Variants in STK35 observed in about 807,000 individuals in gnomAD.
The protein encoded by STK35 is serine/threonine-protein kinase 35.
Under a neutral mutation model 37.3 loss-of-function variants are expected in STK35, and 17 were observed. The ratio of observed to expected loss-of-function variants is 0.46; its 90% CI spans 0.31 to 0.68. The LOEUF is 0.68. Ranked by LOEUF, STK35 falls within the 30% of genes least tolerant of loss-of-function variation. The pLI is 0.05. For missense variants in STK35, 595 were observed against 746.7 expected, an observed-to-expected ratio of 0.80 and a Z score of 2.37; for synonymous variants, 385 against 319.1, an observed-to-expected ratio of 1.21 and a Z score of -2.20.
chr20:2,137,448 G>A (rs1415994223), intron 3 of STK35, among the ~76,000 whole-genome samples: 10 of 152,200 alleles, frequency 6.6e-5, no homozygotes, highest in Admixed American at 6.5e-4. Context: ...CCTGGTCAGG[G>A]CTCAGATGTC....
chr20:2,102,402 G>A (rs1336268717), intron 1 of STK35, among the ~76,000 whole-genome samples: 2 of 152,196 alleles, frequency 1.3e-5, no homozygotes, highest in Non-Finnish European at 2.9e-5. Flanking sequence ...CACAAGGCGG[G>A]GCGCGGGGAG....
chr20:2,123,591 C>T (rs749470262), intron 3 of STK35, among the ~76,000 whole-genome samples: 16 of 152,160 alleles, frequency 1.1e-4, no homozygotes, highest in African/African-American at 1.2e-4. Context: ...TGGAATTACA[C>T]GCAACTGTGT....
chr20:2,134,815 C>T lies in STK35; in HGVS notation c.*38-8969C>T, dbSNP rs567497412. Reference sequence around the variant, plus strand: ...CTGAGGCAGGAGAATCGCTTGAACCCGGGAGGTGGAGGTTGCAGTGAGCCG... The same window carrying T: ...CTGAGGCAGGAGAATCGCTTGAACCTGGGAGGTGGAGGTTGCAGTGAGCCG... On this transcript the variant is annotated intron_variant, in intron 3 of 3. Coordinates refer to ENST00000381482, the MANE Select transcript of STK35 (RefSeq NM_080836.4). 1.4e-4 allele frequency among the ~76,000 whole-genome samples: 22 copies of T among 152,106 alleles called. No homozygotes were observed. In the East Asian group the frequency reaches 1.9e-3, roughly 13 times the overall value.
Position 2,116,803 on chromosome 20 carries a change from C to G in STK35, c.1030C>G (p.Leu344Val). 1 of 1,614,176 alleles carries G rather than the reference C, an allele frequency of 6.2e-7. No homozygotes were observed. The highest frequency in any genetic ancestry group is 8.5e-7 in the Non-Finnish European group (1 of 1,180,044). ...CACCAACAAAAGTTTCATGCTACAG[C>G]TGACGAGCGCCATTGCCTTCCTGCA... Reference protein sequence around the residue: ...PATNKSFMLQLTSAIAFLHKN... With the variant: ...PATNKSFMLQVTSAIAFLHKN... The change falls in exon 3 of 4, where the codon CTG becomes GTG. Residue 344 changes from leucine to valine, a missense_variant. By Grantham distance (32) the Leu-to-Val change is conservative (BLOSUM62 1). Around this residue, in one of 3 missense-constraint regions of STK35, gnomAD observed 109 missense variants for 280.3 expected, o/e 0.39. Transcript: ENST00000381482.
At chr20:2,135,066 G>A (rs1047678651) in intron 3 of STK35, among the ~76,000 whole-genome samples, 1 of 152,104 alleles carries the variant, frequency 6.6e-6, no homozygotes. Flanking sequence ...GGGGGAGTAG[G>A]GAGAGAGCTA....
chr20:2,144,135 T>C lies in STK35; in HGVS notation c.*389T>C. ...GGTTAGGGAGCTATTTTTGGTTTTG[T>C]CCTTCACTTTCCCTCTGTCTTCCTT... On this transcript the variant is annotated 3_prime_UTR_variant, in exon 4 of 4. Transcript: ENST00000381482. The C allele has an allele frequency of 3.2e-6, 1 of 311,560 alleles. No homozygotes were observed. Among genetic ancestry groups the C allele is most frequent in the South Asian group, 2.5e-5 (1 of 40,772 alleles). The allele number at this position is 311,560 out of a possible 1,614,324, so 19.3% of individuals were successfully genotyped here. A position where few individuals can be genotyped will look rare whatever the true frequency, so the allele number is the denominator to read the frequency against.
intron 1 of STK35, 124 bp from the exon 2 acceptor site, chr20:2,102,644 G>T: frequency 1.2e-6 from 1 of 865,514 alleles, no homozygotes; most frequent in Non-Finnish European, 1.6e-6. Flanking sequence ...TTCAATCAGC[G>T]GCGGTGGCTT....
intron 2 of STK35, among the ~76,000 whole-genome samples, chr20:2,108,435 G>T (rs1347354413): frequency 6.6e-6 from 1 of 152,130 alleles, no homozygotes; most frequent in Non-Finnish European, 1.5e-5. Context: ...ACTTGAACCC[G>T]GGAGGCAGAG....
rs1334653371 is a variant in STK35 at position 2,109,353 on chromosome 20, A to AC, written c.892+5992dup. ...GCCCGGACTGCCATGGATTAGGGGT[A>AC]CCCCAACTCTCTGCCTGGCTGGTGG... On this transcript the variant is annotated intron_variant, in intron 2 of 3. Coordinates refer to ENST00000381482, the MANE Select transcript of STK35 (RefSeq NM_080836.4). Among the ~76,000 whole-genome samples the AC allele has an allele frequency of 5.9e-5, 9 of 152,354 alleles. No individual in the cohort carries two copies. The South Asian group carries it at 6.2e-4, about 11-fold the overall frequency.
At chr20:2,135,977 G>C (rs1171788657) in intron 3 of STK35, among the ~76,000 whole-genome samples, 2 of 152,166 alleles carry the variant, frequency 1.3e-5, no homozygotes, top group Non-Finnish European at 2.9e-5. Context: ...CAGCCTGACA[G>C]AGCAAGGCCC....
At chr20:2,143,502 GT>G (rs1162519190) in intron 3 of STK35, among the ~76,000 whole-genome samples, 2 of 152,172 alleles carry the variant, frequency 1.3e-5, no homozygotes, top group Non-Finnish European at 2.9e-5. Flanking sequence ...TTCAAGATTG[GT>G]TTGACAGCTA....
chr20:2,130,921 C>T (rs2122574627), intron 3 of STK35, among the ~76,000 whole-genome samples: 1 of 152,300 alleles, frequency 6.6e-6, no homozygotes, highest in South Asian at 2.1e-4. Context: ...GAGGTTGTGT[C>T]ATCTGCCTGC....
chr20:2,120,370 G>T (rs943111121), intron 3 of STK35, among the ~76,000 whole-genome samples: 5 of 152,186 alleles, frequency 3.3e-5, no homozygotes, highest in African/African-American at 4.8e-5. Flanking sequence ...ATGGTTACTG[G>T]TGAGTGTCCC....
In STK35 at chr20:2,102,835, G is replaced by A. The variant is rs943195413; in HGVS notation, c.362G>A (p.Arg121Gln). 21 of 1,534,282 alleles carry A rather than the reference G, an allele frequency of 1.4e-5. No individual in the cohort carries two copies. Among genetic ancestry groups the A allele is most frequent in the Non-Finnish European group, 1.8e-5 (21 of 1,147,910 alleles). Residue 121 changes from arginine to glutamine, a missense_variant, in exon 2 of 4, where the codon CGG becomes CAG. Physicochemically the swap from Arg to Gln is conservative, Grantham distance 43. Transcript: ENST00000381482. The part of the protein sequence containing the change: ...AGRRDEAGGA[R>Q]AAPLLLPPPP... ...CGGAGGGATGAGGCAGGGGGGGCCC[G>A]GGCAGCGCCGTTGCTGCTCCCCCCG...
At chr20:2,123,995 A>G (rs6035643) in intron 3 of STK35, among the ~76,000 whole-genome samples, 1 of 152,174 alleles carries the variant, frequency 6.6e-6, no homozygotes, top group Admixed American at 6.5e-5. Context: ...TCATTTACTT[A>G]CTTTCAAGTA....
At chr20:2,115,312 G>A (rs894921668) in intron 2 of STK35, among the ~76,000 whole-genome samples, 14 of 152,084 alleles carry the variant, frequency 9.2e-5, no homozygotes, top group South Asian at 2.1e-4. Flanking sequence ...TAGATCACTC[G>A]TTTTCTTTGT....
chr20:2,103,498 T>A (rs769641287), intron 2 of STK35, 133 bp downstream of exon 2: 615 of 816,452 alleles, frequency 7.5e-4, no homozygotes, highest in Non-Finnish European at 1.0e-3. Flanking sequence ...TGACACACCC[T>A]CCTTTCCTGG....
chr20:2,130,409 T>C (rs1358160552), intron 3 of STK35, among the ~76,000 whole-genome samples: 1 of 152,212 alleles, frequency 6.6e-6, no homozygotes, highest in African/African-American at 2.4e-5. Context: ...TGTGTTGCTC[T>C]TCTGTCCTTA....
chr20:2,135,797 C>G (rs1465559440), intron 3 of STK35, among the ~76,000 whole-genome samples: 2 of 152,186 alleles, frequency 1.3e-5, no homozygotes, highest in African/African-American at 4.8e-5. Context: ...TTGCAGTGAG[C>G]CGAGATTGCA....
Sources: gnomAD v4.1 joint callset for allele counts (sites outside exome capture counted in the v4.1 genomes callset) on GRCh38, gnomAD v4.1.1 for gene constraint, gnomAD v4.1.1 regional missense constraint, MANE v1.5 for transcripts, NCBI Gene and HGNC (gene_info 2026-07-23, HGNC 2026-07-21) for gene names.